The following RIF1 variants were observed in gnomAD, a reference collection of about 807,000 sequenced individuals.
The protein encoded by RIF1 is telomere-associated protein RIF1.
In RIF1, 45 loss-of-function variants were observed where a neutral mutation model predicts 247.1. The observed-to-expected ratio is 0.18, with a 90% CI of 0.14 to 0.23. The LOEUF (loss-of-function observed/expected upper bound fraction) is 0.23. RIF1 is among the 10% of genes least tolerant of loss of function. The pLI, the probability that RIF1 is intolerant of heterozygous loss-of-function variation, is 1.00. For missense variants in RIF1, 2,967 were observed against 2,862.5 expected, an observed-to-expected ratio of 1.04 and a Z score of -0.83; for synonymous variants, 1,087 against 978.8, an observed-to-expected ratio of 1.11 and a Z score of -2.06.
Position 151,466,249 on chromosome 2 carries a change from G to C in RIF1, c.6600+129G>C. On this transcript the variant is annotated intron_variant, in intron 30 of 35. Coordinates refer to ENST00000444746, the MANE Select transcript of RIF1 (RefSeq NM_018151.5). ...CACTCATTTGATTATTTACCATAAT[G>C]GTTGCTAGGGAAAAGGTAGGTAGAA... The C allele has an allele frequency of 6.5e-6, 4 of 618,658 alleles. No homozygotes were observed. In the South Asian group the frequency reaches 1.0e-4, roughly 16 times the overall value. The allele number at this position is 618,658 out of a possible 1,614,324, so 38.3% of individuals were successfully genotyped here.
In RIF1 at chr2:151,499,401, C is replaced by A; in HGVS notation, c.*570C>A. 1 of 1,471,264 alleles carries A rather than the reference C, an allele frequency of 6.8e-7. No individual in the cohort carries two copies. Among genetic ancestry groups the A allele is most frequent in the Non-Finnish European group, 9.3e-7 (1 of 1,076,372 alleles). 91.1% of individuals were successfully genotyped at this position (1,471,264 alleles called of 1,614,324 possible). A position where few individuals can be genotyped will look rare whatever the true frequency, so the allele number is the denominator to read the frequency against. Reference sequence around the variant, plus strand: ...TTCTTTATACAACACCTGTATGACACAAGAAAGCATCCAGAAAAAACAAGA... The same window carrying A: ...TTCTTTATACAACACCTGTATGACAAAAGAAAGCATCCAGAAAAAACAAGA... On this transcript the variant is annotated 3_prime_UTR_variant and NMD_transcript_variant, in exon 11 of 14. Coordinates refer to the RIF1 transcript ENST00000454583.
intron 20 of RIF1, among the ~76,000 whole-genome samples, chr2:151,448,044 T>C (rs1693626197): frequency 6.6e-6 from 1 of 152,132 alleles, no homozygotes; most frequent in Non-Finnish European, 1.5e-5. Flanking sequence ...CAGTTCTTTT[T>C]TTTTTTCTTG....
intron 11 of RIF1, 39 bp downstream of exon 11, chr2:151,435,619 A>T: frequency 2.6e-6 from 3 of 1,141,908 alleles, no homozygotes; most frequent in Non-Finnish European, 2.7e-6. Flanking sequence ...TTTTTTAATC[A>T]GGCTTTGTTG....
chr2:151,474,886 C>G lies in RIF1; in HGVS notation c.7234C>G (p.Pro2412Ala). The change falls in exon 36 of 36, where the codon CCA becomes GCA. Residue 2412 changes from proline (P) to alanine (A), a missense_variant. By Grantham distance (27) the Pro-to-Ala change is conservative. Coordinates refer to ENST00000444746, the MANE Select transcript of RIF1 (RefSeq NM_018151.5). The part of the protein sequence containing the change: ...DIIDPVALEI[P>A]LSKNLLAQIS... ...AATTGATCCTGTTGCTTTAGAAATT[C>G]CATTATCCAAAAACCTTCTGGCACA... is the stretch of plus-strand genomic sequence containing the variant. 1 of 1,581,806 alleles carries G rather than the reference C, an allele frequency of 6.3e-7. No individual in the cohort carries two copies. The highest frequency in any genetic ancestry group is 8.7e-7 in the Non-Finnish European group (1 of 1,152,198).
At chr2:151,441,479 C>T (rs992558944) in intron 15 of RIF1, among the ~76,000 whole-genome samples, 14 of 151,954 alleles carry the variant, frequency 9.2e-5, no homozygotes, top group African/African-American at 3.1e-4. Context: ...GCAAAAATTC[C>T]GTAACAAGGT....
At chr2:151,430,850 G>T (rs1573946989) in intron 9 of RIF1, among the ~76,000 whole-genome samples, 1 of 151,942 alleles carries the variant, frequency 6.6e-6, no homozygotes, top group East Asian at 1.9e-4. Context: ...GGCGGGATTT[G>T]ACCACGTTGC....
chr2:151,446,637 G>A (rs1693317408), intron 20 of RIF1, 62 bp downstream of exon 20: 1 of 1,519,846 alleles, frequency 6.6e-7, no homozygotes, highest in Non-Finnish European at 9.0e-7. Flanking sequence ...TCAAGTAAAT[G>A]GAGATAATAT....
chr2:151,468,690 A>G lies in RIF1; in HGVS notation c.6875A>G (p.Tyr2292Cys), dbSNP rs770219404. 1 of 1,614,048 alleles carries G rather than the reference A, an allele frequency of 6.2e-7. No individual in the cohort carries two copies. Among genetic ancestry groups the G allele is most frequent in the South Asian group, 1.1e-5 (1 of 91,084 alleles). ...ATACCATGCCCAACAGAAAGTGTTT[A>G]CCCACCATTGGTGAACTGTGTGGCA... is the stretch of plus-strand genomic sequence containing the variant. ...ESIPCPTESV[Y>C]PPLVNCVAPV... Residue 2292 changes from tyrosine (Y) to cysteine (C), a missense_variant, in exon 33 of 36, where the codon TAC becomes TGC. Physicochemically the swap from Tyr to Cys is radical, Grantham distance 194. This residue lies in a region of RIF1 where 2,028 missense variants were observed against 1,825.6 expected (regional missense o/e 1.11). Transcript: ENST00000444746.
At chr2:151,417,430 A>G (rs1687397212) in intron 6 of RIF1, among the ~76,000 whole-genome samples, 1 of 152,158 alleles carries the variant, frequency 6.6e-6, no homozygotes, top group African/African-American at 2.4e-5. Flanking sequence ...GATTGATGCT[A>G]AGATTATGTC....
intron 12 of RIF1, chr2:151,503,462 AC>A: frequency 6.6e-7 from 1 of 1,519,950 alleles, no homozygotes; most frequent in Non-Finnish European, 9.1e-7. Context: ...TAATTAGAAT[AC>A]CCAGAAAGGT....
intron 21 of RIF1, among the ~76,000 whole-genome samples, chr2:151,453,179 A>G (rs1259015326): frequency 6.6e-6 from 1 of 151,476 alleles, no homozygotes; most frequent in East Asian, 2.0e-4. Flanking sequence ...TCCCCCCAGA[A>G]TATACATTTT....
intron 20 of RIF1, among the ~76,000 whole-genome samples, chr2:151,451,182 C>CTAAGCAGAACGTTATAA (rs1287255039): frequency 6.6e-6 from 1 of 152,188 alleles, no homozygotes; most frequent in Non-Finnish European, 1.5e-5. Context: ...GCTACATATC[C>CTAAGCAGAACGTTATAA]TAAGCAGAAC....
At chr2:151,468,319 A>G (rs529655222) in intron 31 of RIF1, among the ~76,000 whole-genome samples, 155 bp from the exon 32 acceptor site, 7 of 152,340 alleles carry the variant, frequency 4.6e-5, no homozygotes, top group South Asian at 2.1e-4. Context: ...GGTAAGAGGC[A>G]GTAATGATCC....
chr2:151,436,820 C>G lies in RIF1; in HGVS notation c.1196-7C>G. On this transcript the variant is annotated splice_polypyrimidine_tract_variant and splice_region_variant and intron_variant, in intron 11 of 35. Transcript: ENST00000444746. ...ATGACTTAACTCTTTTTTTTTTTTT[C>G]TTAAAGGTGCTTCCTCCCCGTACGG... 1 of 1,354,552 alleles carries G rather than the reference C, an allele frequency of 7.4e-7. No homozygotes were observed. The highest frequency in any genetic ancestry group is 9.6e-7 in the Non-Finnish European group (1 of 1,046,290). The allele number at this position is 1,354,552 out of a possible 1,614,324, so 83.9% of individuals were successfully genotyped here.
At chr2:151,488,579 G>A (rs569237119) in intron 9 of RIF1, among the ~76,000 whole-genome samples, 2 of 152,072 alleles carry the variant, frequency 1.3e-5, no homozygotes, top group South Asian at 2.1e-4. Context: ...CCATGAAGTC[G>A]AGACTGCAGC....
At chr2:151,520,041 A>G in the RIF1 span, 1 of 37,020 alleles carries the variant, frequency 2.7e-5, no homozygotes, top group African/African-American at 1.2e-4. Context: ...ATGCAAAACA[A>G]AAAAAAAAAA....
At chr2:151,497,487 G>C in intron 10 of RIF1, 1 of 1,472,324 alleles carries the variant, frequency 6.8e-7, no homozygotes, top group Non-Finnish European at 8.9e-7. Context: ...TAGCCCAAAG[G>C]AAAAAAGGAT....
At chr2:151,490,178 A>G in intron 9 of RIF1, 1 of 1,193,174 alleles carries the variant, frequency 8.4e-7, no homozygotes, top group Non-Finnish European at 1.2e-6. Flanking sequence ...CCAACTTAGA[A>G]TGATTTCCAA....
At chr2:151,531,865 T>C in the RIF1 span, 8 of 1,609,078 alleles carry the variant, frequency 5.0e-6, no homozygotes, top group Non-Finnish European at 5.9e-6. Context: ...AAATTTGTCC[T>C]TTGATTTTTC....
Sources: gnomAD v4.1 joint callset for allele counts (sites outside exome capture counted in the v4.1 genomes callset) on GRCh38, gnomAD v4.1.1 for gene constraint, gnomAD v4.1.1 regional missense constraint, MANE v1.5 for transcripts, NCBI Gene and HGNC (gene_info 2026-07-23, HGNC 2026-07-21) for gene names.